The following CTNNA2 variants were observed in gnomAD, a reference collection of about 807,000 sequenced individuals.
CTNNA2 encodes the protein catenin alpha-2.
A neutral mutation model predicts 101.0 loss-of-function variants in CTNNA2; 42 were observed. That is an observed-to-expected ratio of 0.42 (90% CI 0.32 to 0.54). CTNNA2 has a LOEUF of 0.54. Among genes scored for constraint, CTNNA2 ranks in the 20% least tolerant of loss-of-function variants. CTNNA2 has a pLI of 0.14. For synonymous variants in CTNNA2, 450 were observed against 456.4 expected (o/e 0.99, Z 0.18); for missense variants, 871 against 1,223.1 (o/e 0.71, Z 4.29).
intron 2 of CTNNA2, among the ~76,000 whole-genome samples, chr2:79,287,399 G>A (rs1356778734): frequency 6.6e-6 from 1 of 152,142 alleles, no homozygotes. Flanking sequence ...TCTACTTTTG[G>A]TCTTTGACGA....
At chr2:79,466,975 C>A (rs774573218) in intron 4 of CTNNA2, among the ~76,000 whole-genome samples, 1 of 152,156 alleles carries the variant, frequency 6.6e-6, no homozygotes, top group Non-Finnish European at 1.5e-5. Flanking sequence ...AGCGCCTCTC[C>A]CCCTCCAAAG....
chr2:79,850,710 T>C (rs1269652000), intron 3 of CTNNA2, among the ~76,000 whole-genome samples: 6 of 152,186 alleles, frequency 3.9e-5, no homozygotes, highest in Admixed American at 3.9e-4. Flanking sequence ...ATAATCTTTC[T>C]TTTCTGTGTT....
intron 7 of CTNNA2, among the ~76,000 whole-genome samples, chr2:79,923,444 T>C (rs1686808447): frequency 6.6e-6 from 1 of 152,142 alleles, no homozygotes; most frequent in South Asian, 2.1e-4. Flanking sequence ...CTGCTTTTAA[T>C]AATTAATTAA....
chr2:80,577,865 C>T (rs1695193242), intron 13 of CTNNA2, among the ~76,000 whole-genome samples: 1 of 152,052 alleles, frequency 6.6e-6, no homozygotes, highest in South Asian at 2.1e-4. Context: ...ACATTTGGGC[C>T]GTTTCTTTCA....
chr2:79,788,588 C>T (rs540008918), intron 3 of CTNNA2, among the ~76,000 whole-genome samples: 4 of 152,254 alleles, frequency 2.6e-5, no homozygotes, highest in East Asian at 1.9e-4. Flanking sequence ...TTAAGGGACA[C>T]CTGCTTCCGT....
intron 7 of CTNNA2, among the ~76,000 whole-genome samples, chr2:80,350,991 A>G (rs1265591536): frequency 6.6e-6 from 1 of 152,220 alleles, no homozygotes; most frequent in African/African-American, 2.4e-5. Flanking sequence ...CAGATGACCT[A>G]AAGCCTGAAC....
chr2:80,613,021 T>G (rs1698588288), intron 17 of CTNNA2: 1 of 151,386 alleles, frequency 6.6e-6, no homozygotes, highest in Admixed American at 6.6e-5. Flanking sequence ...AAAAACAAAC[T>G]TCAGATTGTA....
At chr2:79,683,277 C>T (rs1387070375) in intron 2 of CTNNA2, among the ~76,000 whole-genome samples, 1 of 152,178 alleles carries the variant, frequency 6.6e-6, no homozygotes, top group African/African-American at 2.4e-5. Context: ...CTCCTTAGGG[C>T]CTTTCTAGAA....
At chr2:80,070,075 A>G (rs1324124417) in intron 7 of CTNNA2, among the ~76,000 whole-genome samples, 1 of 152,204 alleles carries the variant, frequency 6.6e-6, no homozygotes, top group Non-Finnish European at 1.5e-5. Context: ...GTCTGGATCA[A>G]TCAGCCCAGC....
At chr2:79,889,403 T>G (rs1288275184) in intron 6 of CTNNA2, among the ~76,000 whole-genome samples, 1 of 152,302 alleles carries the variant, frequency 6.6e-6, no homozygotes, top group Middle Eastern at 3.4e-3. Flanking sequence ...AGAAAAACAA[T>G]TACTCATATG....
intron 2 of CTNNA2, among the ~76,000 whole-genome samples, chr2:79,261,162 A>G (rs1182600026): frequency 6.6e-6 from 1 of 152,176 alleles, no homozygotes; most frequent in Non-Finnish European, 1.5e-5. Context: ...CCTCTCAACC[A>G]TCCACCACTG....
intron 7 of CTNNA2, among the ~76,000 whole-genome samples, chr2:80,059,575 G>A (rs1414847768): frequency 1.3e-5 from 2 of 152,144 alleles, no homozygotes; most frequent in East Asian, 3.9e-4. Context: ...TAGGATAGTG[G>A]GTCCAGATCA....
At chr2:80,623,048 TAAAAAAAA>T (rs367889797) in intron 18 of CTNNA2, among the ~76,000 whole-genome samples, 7 of 121,600 alleles carry the variant, frequency 5.8e-5, no homozygotes, top group Non-Finnish European at 1.0e-4. Flanking sequence ...CGCTAGTTTC[TAAAAAAAA>T]AAAAAAAAAA....
At chr2:79,874,488 A>G (rs932860735) in intron 6 of CTNNA2, 146 bp downstream of exon 6, 6 of 996,460 alleles carry the variant, frequency 6.0e-6, no homozygotes, top group Non-Finnish European at 8.6e-6. Flanking sequence ...TACATAATGC[A>G]TTTCTGTAAT....
intron 7 of CTNNA2, among the ~76,000 whole-genome samples, chr2:80,072,981 C>T (rs914162375): frequency 2.6e-5 from 4 of 152,160 alleles, no homozygotes; most frequent in Non-Finnish European, 5.9e-5. Context: ...AGTCTATTTT[C>T]GTGCAGAAAT....
At position 80,302,870 on chromosome 2, in the gene CTNNA2, T is replaced by A; in HGVS notation, c.1057-90341T>A. ...TAGGGCACACACGTTGCGCCCGCAATCCCACAGGTTCCCGGCCAGGGTGAT... is the reference window on the plus strand; with the variant it reads ...TAGGGCACACACGTTGCGCCCGCAAACCCACAGGTTCCCGGCCAGGGTGAT... On this transcript the variant is annotated intron_variant, in intron 7 of 18. Transcript: ENST00000402739. This position sits in a 1 kb window ranked among gnomAD's most constrained non-coding sequence, Gnocchi z 6.4. The A allele has an allele frequency of 6.2e-7, 1 of 1,614,114 alleles. No individual in the cohort carries two copies. Among genetic ancestry groups the A allele is most frequent in the Non-Finnish European group, 8.5e-7 (1 of 1,180,012 alleles).
intron 7 of CTNNA2, among the ~76,000 whole-genome samples, chr2:80,010,716 C>CT (rs11298377): frequency 1.1e-4 from 16 of 150,328 alleles, no homozygotes; most frequent in South Asian, 2.1e-4. Flanking sequence ...TTGCCATTCA[C>CT]TTTTTTTTTT....
chr2:80,621,618 T>C (rs778491192), intron 18 of CTNNA2, among the ~76,000 whole-genome samples: 1 of 151,960 alleles, frequency 6.6e-6, no homozygotes, highest in Non-Finnish European at 1.5e-5. Context: ...GTAAAAAACA[T>C]TTACTAGGTA....
At chr2:79,534,485 G>C (rs964179709) in intron 1 of CTNNA2, among the ~76,000 whole-genome samples, 1 of 151,840 alleles carries the variant, frequency 6.6e-6, no homozygotes, top group African/African-American at 2.4e-5. Context: ...CTCATAATAG[G>C]TATTCTTTTT....
Sources: gnomAD v4.1 joint callset for allele counts (sites outside exome capture counted in the v4.1 genomes callset) on GRCh38, gnomAD v4.1.1 for gene constraint, Gnocchi (gnomAD v3.1) non-coding constraint, MANE v1.5 for transcripts, NCBI Gene and HGNC (gene_info 2026-07-23, HGNC 2026-07-21) for gene names.